The following LRMDA variants were observed in gnomAD, a reference collection of about 807,000 sequenced individuals.
LRMDA encodes leucine rich melanocyte differentiation associated, also known as leucine-rich melanocyte differentiation-associated protein.
In LRMDA, 18 loss-of-function variants were observed where a neutral mutation model predicts 29.8. The ratio of observed to expected loss-of-function variants is 0.60; its 90% CI spans 0.42 to 0.90. LRMDA has a LOEUF of 0.90. Among genes scored for constraint, LRMDA ranks in the 40% least tolerant of loss-of-function variants. The probability of loss-of-function intolerance (pLI) is 0.00; values close to 1 mark genes in which losing one functional copy is unlikely to be tolerated. For synonymous variants in LRMDA, 125 were observed against 109.4 expected (o/e 1.14, Z -0.89); for missense variants, 273 against 273.9 (o/e 1.00, Z 0.02).
intron 6 of LRMDA, among the ~76,000 whole-genome samples, chr10:76,398,530 A>G (rs1564530487): frequency 6.6e-6 from 1 of 152,208 alleles, no homozygotes. Flanking sequence ...TGCTCATACC[A>G]AAGTCCTTTA....
At chr10:75,446,807 G>A (rs1844401866) in intron 2 of LRMDA, among the ~76,000 whole-genome samples, 1 of 152,202 alleles carries the variant, frequency 6.6e-6, no homozygotes, top group African/African-American at 2.4e-5. Context: ...CCAGCTAGGA[G>A]CATATATTTG....
chr10:75,558,367 T>G (rs1840242897), intron 2 of LRMDA, among the ~76,000 whole-genome samples: 1 of 151,986 alleles, frequency 6.6e-6, no homozygotes, highest in African/African-American at 2.4e-5. Flanking sequence ...CAATAAAAAT[T>G]TGCACTGGAT....
At chr10:76,044,058 A>G (rs1488036913) in intron 3 of LRMDA, among the ~76,000 whole-genome samples, 1 of 152,184 alleles carries the variant, frequency 6.6e-6, no homozygotes, top group Admixed American at 6.5e-5. Context: ...TTGCAGTCCC[A>G]CAAAAGAAAT....
chr10:76,084,124 A>C (rs911781273), intron 5 of LRMDA, among the ~76,000 whole-genome samples: 9 of 151,870 alleles, frequency 5.9e-5, no homozygotes, highest in African/African-American at 2.2e-4. Flanking sequence ...CTGAGATACC[A>C]CCTCTTCCTT....
rs1203896991 is a variant in LRMDA at position 75,558,720 on chromosome 10, C to G, written c.131+120226C>G. 6.0e-5 allele frequency among the ~76,000 whole-genome samples: 9 copies of G among 149,718 alleles called. No individual in the cohort carries two copies. The East Asian group carries it at 1.8e-3, about 29-fold the overall frequency. ...CAACAGTCCCCAGAGTGTGATGTTC[C>G]CCTTCCTGTGTCCATGTGTTCTCAT... On this transcript the variant is annotated intron_variant, in intron 2 of 6. Coordinates refer to ENST00000611255, the MANE Select transcript of LRMDA (RefSeq NM_001305581.2).
chr10:75,535,844 G>A (rs1839938303), intron 2 of LRMDA, among the ~76,000 whole-genome samples: 1 of 152,140 alleles, frequency 6.6e-6, no homozygotes, highest in Non-Finnish European at 1.5e-5. Flanking sequence ...GCTTCTGGGA[G>A]GAGGCAGTGT....
chr10:75,645,984 T>G (rs1191800799), intron 2 of LRMDA, among the ~76,000 whole-genome samples: 1 of 151,986 alleles, frequency 6.6e-6, no homozygotes, highest in Non-Finnish European at 1.5e-5. Flanking sequence ...CCTGCTCCTT[T>G]CCTGCCGTGA....
chr10:76,389,147 G>T (rs909328668), intron 6 of LRMDA, among the ~76,000 whole-genome samples: 11 of 152,162 alleles, frequency 7.2e-5, no homozygotes, highest in Admixed American at 2.6e-4. Flanking sequence ...AGTTAGCTGG[G>T]CTGTGGGTAG....
intron 5 of LRMDA, among the ~76,000 whole-genome samples, chr10:76,103,852 C>A (rs1341651011): frequency 6.6e-6 from 1 of 151,900 alleles, no homozygotes; most frequent in Non-Finnish European, 1.5e-5. Flanking sequence ...AGTTCAAGAC[C>A]AGCCTGGCCA....
intron 6 of LRMDA, among the ~76,000 whole-genome samples, chr10:76,505,698 T>C (rs1842952665): frequency 6.6e-6 from 1 of 152,140 alleles, no homozygotes; most frequent in African/African-American, 2.4e-5. Flanking sequence ...GGATTGGGTT[T>C]GAATGTTCTT....
intron 2 of LRMDA, among the ~76,000 whole-genome samples, chr10:75,460,006 C>A (rs529575164): frequency 6.6e-6 from 1 of 152,302 alleles, no homozygotes; most frequent in African/African-American, 2.4e-5. Flanking sequence ...ACATTCAAAC[C>A]ATAGCACTGG....
At chr10:76,381,397 A>G (rs1333658333) in intron 6 of LRMDA, among the ~76,000 whole-genome samples, 1 of 152,156 alleles carries the variant, frequency 6.6e-6, no homozygotes, top group Non-Finnish European at 1.5e-5. Flanking sequence ...TATATCACCA[A>G]TACCTGTACA....
chr10:76,122,135 T>G (rs1849800212), intron 5 of LRMDA, among the ~76,000 whole-genome samples: 2 of 152,188 alleles, frequency 1.3e-5, no homozygotes. Context: ...GGCAGGTAGA[T>G]GAGAGTTCCA....
chr10:75,490,631 C>T (rs1219673017), intron 2 of LRMDA, among the ~76,000 whole-genome samples: 1 of 152,022 alleles, frequency 6.6e-6, no homozygotes, highest in Non-Finnish European at 1.5e-5. Context: ...AGACTCAGGC[C>T]CTCCAGAGAG....
chr10:76,035,834 C>T (rs1289407992), intron 2 of LRMDA, among the ~76,000 whole-genome samples, 174 bp from the exon 3 acceptor site: 1 of 152,156 alleles, frequency 6.6e-6, no homozygotes, highest in African/African-American at 2.4e-5. Context: ...CCCTTCTCCC[C>T]CGCCGCCCCC....
intron 5 of LRMDA, among the ~76,000 whole-genome samples, chr10:76,080,527 T>G (rs1190434325): frequency 1.3e-5 from 2 of 152,230 alleles, no homozygotes; most frequent in Non-Finnish European, 2.9e-5. Flanking sequence ...AATATGTGTA[T>G]GAGACAGTGG....
intron 6 of LRMDA, among the ~76,000 whole-genome samples, chr10:76,391,200 T>C (rs1841720388): frequency 6.6e-6 from 1 of 151,946 alleles, no homozygotes; most frequent in South Asian, 2.1e-4. Context: ...CAGGAAGGAG[T>C]CTTCCTCTTT....
At chr10:76,050,053 T>C (rs1174545947) in intron 4 of LRMDA, among the ~76,000 whole-genome samples, 1 of 152,256 alleles carries the variant, frequency 6.6e-6, no homozygotes, top group Admixed American at 6.5e-5. Context: ...AAAATTCTTA[T>C]TGATTGGCAT....
At position 76,072,654 on chromosome 10, in the gene LRMDA, A is replaced by G. The variant is rs74899584; in HGVS notation, c.516+13871A>G. Among the ~76,000 whole-genome samples, 744 of 152,286 alleles carry G rather than the reference A, an allele frequency of 4.9e-3. 17 individuals carry two copies. Among genetic ancestry groups the G allele is most frequent in the Admixed American group, 0.033 (511 of 15,296 alleles). On this transcript the variant is annotated intron_variant, in intron 5 of 6. Coordinates refer to ENST00000611255, the MANE Select transcript of LRMDA (RefSeq NM_001305581.2). ...TCTCTCACCTCTTGAAGGAACAAGC[A>G]TGGGAGAATGGCAGAAGGACATATT... is the stretch of plus-strand genomic sequence containing the variant.
Sources: gnomAD v4.1 joint callset for allele counts (sites outside exome capture counted in the v4.1 genomes callset) on GRCh38, gnomAD v4.1.1 for gene constraint, MANE v1.5 for transcripts, NCBI Gene and HGNC (gene_info 2026-07-23, HGNC 2026-07-21) for gene names.